The following CMSS1 variants were observed in gnomAD, a reference collection of about 807,000 sequenced individuals.
The protein encoded by CMSS1 is protein CMSS1.
In CMSS1, 33 loss-of-function variants were observed where a neutral mutation model predicts 43.5. The observed-to-expected ratio is 0.76, with a 90% CI of 0.57 to 1.01. CMSS1 has a LOEUF of 1.01. Among genes scored for constraint, CMSS1 ranks in the 50% least tolerant of loss-of-function variants. The pLI, the probability that CMSS1 is intolerant of heterozygous loss-of-function variation, is 0.00. For missense variants in CMSS1, 313 were observed against 326.4 expected, an observed-to-expected ratio of 0.96 and a Z score of 0.32; for synonymous variants, 115 against 117.2, an observed-to-expected ratio of 0.98 and a Z score of 0.12.
intron 1 of CMSS1, among the ~76,000 whole-genome samples, chr3:99,837,923 T>C (rs1263206008): frequency 6.6e-6 from 1 of 152,192 alleles, no homozygotes; most frequent in Non-Finnish European, 1.5e-5. Context: ...TGGGTCATTA[T>C]CATAACTGTC....
At chr3:99,870,849 CG>C (rs1056755061) in intron 1 of CMSS1, among the ~76,000 whole-genome samples, 3 of 152,150 alleles carry the variant, frequency 2.0e-5, no homozygotes, top group Non-Finnish European at 4.4e-5. Flanking sequence ...ATTTGTGCCC[CG>C]TAAGTGCATC....
At chr3:99,895,518 T>G (rs1446394265) in intron 1 of CMSS1, among the ~76,000 whole-genome samples, 1 of 152,186 alleles carries the variant, frequency 6.6e-6, no homozygotes, top group African/African-American at 2.4e-5. Context: ...GAGGCCAAGT[T>G]CCTGGTGGTG....
intron 1 of CMSS1, among the ~76,000 whole-genome samples, chr3:99,961,632 A>T (rs573024835): frequency 1.4e-4 from 22 of 152,274 alleles, no homozygotes; most frequent in Admixed American, 1.4e-3. Context: ...GCTCCTGGGA[A>T]CCGATACCTT....
intron 1 of CMSS1, among the ~76,000 whole-genome samples, chr3:100,102,285 G>T (rs909956809): frequency 6.6e-6 from 1 of 152,100 alleles, no homozygotes; most frequent in African/African-American, 2.4e-5. Flanking sequence ...AGCACCTGTT[G>T]TTTCCTGACT....
At chr3:99,925,789 G>C (rs1707274382) in intron 1 of CMSS1, 1 of 922,056 alleles carries the variant, frequency 1.1e-6, no homozygotes, top group South Asian at 5.0e-5. Flanking sequence ...GGAAGAACCA[G>C]GCAGTAAAGA....
rs373624703 is a variant in CMSS1, at chr3:100,013,895, A to G, written c.65-133078A>G. On this transcript the variant is annotated intron_variant, in intron 1 of 9. Transcript: ENST00000421999. ...GTTAACTATAGTCACCGTGCTTCAC[A>G]ATAGATCAACAGAATTCCTGTCTAA... 2.6e-5 allele frequency among the ~76,000 whole-genome samples: 4 copies of G among 152,246 alleles called. No individual in the cohort carries two copies. In the East Asian group the frequency reaches 5.8e-4, roughly 22 times the overall value.
At chr3:100,026,507 TC>T (rs2064925165) in intron 1 of CMSS1, among the ~76,000 whole-genome samples, 1 of 152,138 alleles carries the variant, frequency 6.6e-6, no homozygotes, top group South Asian at 2.1e-4. Context: ...GTTGACCAGA[TC>T]TTCCAGTATT....
chr3:99,957,142 CA>C (rs543179427), intron 1 of CMSS1, among the ~76,000 whole-genome samples: 2 of 151,634 alleles, frequency 1.3e-5, no homozygotes, highest in East Asian at 3.9e-4. Context: ...TGATATACAG[CA>C]AAAAAAATAC....
At chr3:99,818,173 C>T (rs1225661476) in intron 1 of CMSS1, 130 bp downstream of exon 1, 15 of 762,100 alleles carry the variant, frequency 2.0e-5, no homozygotes, top group Non-Finnish European at 3.3e-5. Context: ...AGCGCGCAAG[C>T]ATCTCGGGGA....
At chr3:100,146,941 C>G (rs1465894219) in intron 1 of CMSS1, 32 bp from the exon 2 acceptor site, 1 of 1,603,036 alleles carries the variant, frequency 6.2e-7, no homozygotes, top group Non-Finnish European at 8.5e-7. Flanking sequence ...GAGAGAGAGA[C>G]TTTTCTGATT....
intron 1 of CMSS1, among the ~76,000 whole-genome samples, chr3:99,933,786 C>T (rs946536880): frequency 1.3e-5 from 2 of 152,148 alleles, no homozygotes; most frequent in African/African-American, 2.4e-5. Context: ...TCTCACATGG[C>T]GTATCTGACC....
At chr3:100,086,453 CT>C (rs1271442092) in intron 1 of CMSS1, among the ~76,000 whole-genome samples, 1 of 152,156 alleles carries the variant, frequency 6.6e-6, no homozygotes, top group African/African-American at 2.4e-5. Flanking sequence ...CTTATCTGTG[CT>C]TTCTCACTTA....
chr3:99,940,904 A>G (rs910085895), intron 1 of CMSS1, among the ~76,000 whole-genome samples: 6 of 152,188 alleles, frequency 3.9e-5, no homozygotes, highest in African/African-American at 1.2e-4. Context: ...AGGAACTGTG[A>G]CTAGAATAGA....
intron 1 of CMSS1, among the ~76,000 whole-genome samples, chr3:100,128,880 A>G (rs923414707): frequency 6.6e-6 from 1 of 152,220 alleles, no homozygotes; most frequent in African/African-American, 2.4e-5. Flanking sequence ...TGAATATGCC[A>G]TCGTTTATCC....
At chr3:100,129,836 A>AT (rs1178161765) in intron 1 of CMSS1, among the ~76,000 whole-genome samples, 2 of 152,220 alleles carry the variant, frequency 1.3e-5, no homozygotes, top group Non-Finnish European at 2.9e-5. Context: ...TAAAGTCATT[A>AT]TTACTATAAG....
At chr3:100,040,492 C>T (rs1283130649) in intron 1 of CMSS1, 2 of 152,150 alleles carry the variant, frequency 1.3e-5, no homozygotes, top group Admixed American at 6.5e-5. Flanking sequence ...GCACATTTTC[C>T]CAGCAGCCTG....
chr3:100,097,122 G>C (rs2066223558), intron 1 of CMSS1, among the ~76,000 whole-genome samples: 1 of 152,108 alleles, frequency 6.6e-6, no homozygotes, highest in Admixed American at 6.6e-5. Flanking sequence ...ATTCTCATAG[G>C]AGCACAAACC....
chr3:100,119,643 G>C (rs2066603603), intron 1 of CMSS1, among the ~76,000 whole-genome samples: 1 of 152,238 alleles, frequency 6.6e-6, no homozygotes, highest in Non-Finnish European at 1.5e-5. Context: ...AACAAAGGAT[G>C]AGAGTAGCAG....
chr3:99,883,388 A>G (rs1183685693), intron 1 of CMSS1, among the ~76,000 whole-genome samples: 3 of 152,254 alleles, frequency 2.0e-5, no homozygotes, highest in Admixed American at 6.5e-5. Flanking sequence ...TTATTCCTAT[A>G]TTATATCATT....
Sources: gnomAD v4.1 joint callset for allele counts (sites outside exome capture counted in the v4.1 genomes callset) on GRCh38, gnomAD v4.1.1 for gene constraint, MANE v1.5 for transcripts, NCBI Gene and HGNC (gene_info 2026-07-23, HGNC 2026-07-21) for gene names.